The following ZFHX3 variants were observed in gnomAD, a reference collection of about 807,000 sequenced individuals.
ZFHX3 encodes zinc finger homeobox protein 3.
ZFHX3 carries 42 observed loss-of-function variants against 279.1 expected under a neutral mutation model. That is an observed-to-expected ratio of 0.15 (90% CI 0.12 to 0.19). The LOEUF is 0.19. Ranked by LOEUF, ZFHX3 falls within the 10% of genes least tolerant of loss-of-function variation. The probability of loss-of-function intolerance (pLI) is 1.00; values close to 1 mark genes in which losing one functional copy is unlikely to be tolerated. For synonymous variants in ZFHX3, 2,293 were observed against 1,957.8 expected (o/e 1.17, Z -4.52); for missense variants, 4,981 against 4,754.0 (o/e 1.05, Z -1.40).
At chr16:73,305,275 A>G (rs1309901035) in intron 4 of ZFHX3, among the ~76,000 whole-genome samples, 6 of 152,120 alleles carry the variant, frequency 3.9e-5, no homozygotes, top group African/African-American at 1.4e-4. Context: ...GTCTCTTACT[A>G]GGTAATGGTG....
intron 1 of ZFHX3, among the ~76,000 whole-genome samples, chr16:73,846,655 C>T (rs1191041633): frequency 6.6e-6 from 1 of 152,160 alleles, no homozygotes; most frequent in East Asian, 1.9e-4. Context: ...GTCTCGGCGC[C>T]CCCTTGCTAC....
chr16:73,063,819 T>G (rs1180851818), upstream of ZFHX3, among the ~76,000 whole-genome samples: 1 of 152,234 alleles, frequency 6.6e-6, no homozygotes, highest in Admixed American at 6.5e-5. Flanking sequence ...GGGAATACTT[T>G]GGTCAAAATA....
chr16:73,213,328 A>T (rs975581930), intron 5 of ZFHX3, among the ~76,000 whole-genome samples: 2 of 152,100 alleles, frequency 1.3e-5, no homozygotes, highest in East Asian at 3.9e-4. Flanking sequence ...TTACTTTGAC[A>T]CCCTGCCTCA....
chr16:73,312,877 A>G lies in ZFHX3; in HGVS notation c.-1194+5363T>C, dbSNP rs141986995. 6.4e-3 allele frequency among the ~76,000 whole-genome samples: 982 copies of G among 152,372 alleles called. 15 individuals carry two copies. The highest frequency in any genetic ancestry group is 0.022 in the African/African-American group (925 of 41,586). On this transcript the variant is annotated intron_variant, in intron 4 of 17. Coordinates refer to the ZFHX3 transcript ENST00000641206. ...ATTTGTATAATGCGTACTATGCATCAGAGTTCAAAATGCTATGCCTCTATC... is the reference window on the plus strand; with the variant it reads ...ATTTGTATAATGCGTACTATGCATCGGAGTTCAAAATGCTATGCCTCTATC...
intron 1 of ZFHX3, among the ~76,000 whole-genome samples, chr16:73,006,541 G>C (rs1963706757): frequency 6.6e-6 from 1 of 151,904 alleles, no homozygotes; most frequent in South Asian, 2.1e-4. Context: ...GACTGCTTGA[G>C]CTGGAGGTCA....
At chr16:73,886,690 G>A (rs1363373797) in intron 1 of ZFHX3, among the ~76,000 whole-genome samples, 1 of 152,208 alleles carries the variant, frequency 6.6e-6, no homozygotes, top group Admixed American at 6.5e-5. Flanking sequence ...TGAGGAGAAT[G>A]TATCAATTGT....
At chr16:73,658,172 CA>C (rs1717748766) in intron 2 of ZFHX3, among the ~76,000 whole-genome samples, 2 of 152,106 alleles carry the variant, frequency 1.3e-5, no homozygotes, top group Non-Finnish European at 2.9e-5. Context: ...CCACTATAAT[CA>C]AATTTGTTCA....
chr16:72,959,009 G>C lies in ZFHX3; in HGVS notation c.1137C>G (p.Leu379=), dbSNP rs545966998. ...SGIRMEGEEA[L]PAGSAAGPEQ... Reference sequence around the variant, plus strand: ...CGGGGCCAGCGGCGGAGCCCGCTGGGAGAGCTTCCTCCCCTTCCATTCGAA... The same window carrying C: ...CGGGGCCAGCGGCGGAGCCCGCTGGCAGAGCTTCCTCCCCTTCCATTCGAA... The change falls in exon 2 of 10, where the codon CTC becomes CTG. Residue 379 remains leucine, a synonymous_variant. Coordinates refer to ENST00000268489, the MANE Select transcript of ZFHX3 (RefSeq NM_006885.4). 3.7e-6 allele frequency: 6 copies of C among 1,611,262 alleles called. No homozygotes were observed. Among genetic ancestry groups the C allele is most frequent in the Non-Finnish European group, 5.1e-6 (6 of 1,178,616 alleles).
chr16:73,436,436 C>A (rs1166108411), intron 3 of ZFHX3, among the ~76,000 whole-genome samples: 3 of 152,086 alleles, frequency 2.0e-5, no homozygotes, highest in African/African-American at 4.8e-5. Flanking sequence ...GAATGAGAAC[C>A]AAGTGAAAGG....
rs1597258851 is a variant in ZFHX3 at position 73,279,272 on chromosome 16, A to G, written c.-1193-22136T>C. On this transcript the variant is annotated intron_variant, in intron 4 of 17. Coordinates refer to the ZFHX3 transcript ENST00000641206. ...CCCAGATAGCAATCAGATTTTTGTT[A>G]TCAAACATCCCAAAGACTACGATAT... is the stretch of plus-strand genomic sequence containing the variant. 5.3e-5 allele frequency among the ~76,000 whole-genome samples: 8 copies of G among 152,176 alleles called. No homozygotes were observed. The South Asian group carries it at 1.7e-3, about 32-fold the overall frequency.
At chr16:73,605,656 G>A (rs1350148939) in intron 2 of ZFHX3, among the ~76,000 whole-genome samples, 1 of 151,700 alleles carries the variant, frequency 6.6e-6, no homozygotes, top group African/African-American at 2.4e-5. Context: ...GGAGAGTCTG[G>A]GGTAGGCTAT....
At position 73,639,904 on chromosome 16, in the gene ZFHX3, A is replaced by C. The variant is rs1470106836; in HGVS notation, c.-1547+40276T>G. 3.9e-5 allele frequency among the ~76,000 whole-genome samples: 6 copies of C among 152,332 alleles called. No individual in the cohort carries two copies. The East Asian group carries it at 1.2e-3, about 29-fold the overall frequency. The stretch of plus-strand genomic sequence containing the variant: ...ATTAATGGCCTTAGCAGAGCACAGG[A>C]AACTGAAATAAGTTTCTGCAGAGGG... On this transcript the variant is annotated intron_variant, in intron 2 of 17. Coordinates refer to the ZFHX3 transcript ENST00000641206.
intron 1 of ZFHX3, among the ~76,000 whole-genome samples, chr16:73,031,824 G>A (rs1281811195): frequency 6.6e-6 from 1 of 152,148 alleles, no homozygotes; most frequent in Non-Finnish European, 1.5e-5. Flanking sequence ...TAGAAGGAGA[G>A]GGCAGAGGTG....
chr16:73,319,540 G>C (rs1264379422), intron 3 of ZFHX3, among the ~76,000 whole-genome samples: 1 of 151,952 alleles, frequency 6.6e-6, no homozygotes, highest in Admixed American at 6.6e-5. Flanking sequence ...GCTGGGGGAA[G>C]CTAAGAAGAA....
chr16:73,068,559 G>C (rs1352222223), intron 8 of ZFHX3, among the ~76,000 whole-genome samples: 2 of 152,194 alleles, frequency 1.3e-5, no homozygotes, highest in Non-Finnish European at 2.9e-5. Flanking sequence ...TGTGCCCCTT[G>C]GTTTTCCAGC....
chr16:73,885,862 C>T (rs966586104), intron 1 of ZFHX3, among the ~76,000 whole-genome samples: 1 of 152,132 alleles, frequency 6.6e-6, no homozygotes, highest in African/African-American at 2.4e-5. Context: ...CCCTGATGCA[C>T]CCACGCCCAT....
intron 1 of ZFHX3, among the ~76,000 whole-genome samples, chr16:73,882,699 T>C (rs2030210498): frequency 6.6e-6 from 1 of 152,130 alleles, no homozygotes; most frequent in Non-Finnish European, 1.5e-5. Context: ...TGAAAAAAGA[T>C]AGCTTTCACC....
intron 3 of ZFHX3, among the ~76,000 whole-genome samples, chr16:73,365,105 G>A (rs949304488): frequency 2.6e-5 from 4 of 152,244 alleles, no homozygotes; most frequent in African/African-American, 9.6e-5. Context: ...GTTTCGAGAA[G>A]AGAGGCATTC....
intron 3 of ZFHX3, among the ~76,000 whole-genome samples, chr16:73,389,974 C>T (rs1311729385): frequency 3.9e-5 from 6 of 152,182 alleles, no homozygotes; most frequent in African/African-American, 1.4e-4. Flanking sequence ...GCAGGAGAAT[C>T]ACTTGAACTT....
Sources: gnomAD v4.1 joint callset for allele counts (sites outside exome capture counted in the v4.1 genomes callset) on GRCh38, gnomAD v4.1.1 for gene constraint, MANE v1.5 for transcripts, NCBI Gene and HGNC (gene_info 2026-07-23, HGNC 2026-07-21) for gene names.